The following CDK14 variants were observed in gnomAD, a reference collection of about 807,000 sequenced individuals.
The protein encoded by CDK14 is cyclin dependent kinase 14, also known as cyclin-dependent kinase 14.
A neutral mutation model predicts 60.7 loss-of-function variants in CDK14; 34 were observed. The observed-to-expected ratio is 0.56, with a 90% CI of 0.43 to 0.75. The LOEUF (loss-of-function observed/expected upper bound fraction) is 0.75, where lower values mean the gene tolerates loss of function less well. Among genes scored for constraint, CDK14 ranks in the 30% least tolerant of loss-of-function variants. The pLI is 0.00. For missense variants in CDK14, 482 were observed against 564.1 expected (o/e 0.85, Z 1.47); for synonymous variants, 197 against 203.7 (o/e 0.97, Z 0.28).
intron 2 of CDK14, among the ~76,000 whole-genome samples, chr7:90,717,563 A>C (rs1485235645): frequency 6.6e-6 from 1 of 152,106 alleles, no homozygotes; most frequent in African/African-American, 2.4e-5. Flanking sequence ...ATGCCAAAGA[A>C]ACCATGTAGT....
At chr7:90,926,934 T>A (rs1013584371) in intron 8 of CDK14, among the ~76,000 whole-genome samples, 4 of 152,056 alleles carry the variant, frequency 2.6e-5, no homozygotes, top group Non-Finnish European at 5.9e-5. Context: ...TTTGCTTATA[T>A]TTTCTGGTTG....
chr7:90,653,411 T>C (rs990289756), intron 2 of CDK14, among the ~76,000 whole-genome samples: 6 of 152,122 alleles, frequency 3.9e-5, no homozygotes, highest in Admixed American at 2.0e-4. Context: ...CTCCATTAGA[T>C]TCGCACCTGT....
In CDK14 at chr7:90,634,184, T is replaced by G. The variant is rs558141900; in HGVS notation, c.123+29935T>G. Reference sequence around the variant, plus strand: ...AGTTTTAGGGTACATGTGCACAATGTGCAGGTTAGTTACATATGTATAAAT... The same window carrying G: ...AGTTTTAGGGTACATGTGCACAATGGGCAGGTTAGTTACATATGTATAAAT... On this transcript the variant is annotated intron_variant, in intron 2 of 14. Transcript: ENST00000380050. Among the ~76,000 whole-genome samples, 305 of 152,148 alleles carry G rather than the reference T, an allele frequency of 2.0e-3. 12 individuals are homozygous for G. The highest frequency in any genetic ancestry group is 1.2e-3 in the Non-Finnish European group (81 of 67,994).
intron 14 of CDK14, among the ~76,000 whole-genome samples, chr7:91,167,436 CA>C (rs1410334618): frequency 1.3e-5 from 2 of 152,242 alleles, no homozygotes; most frequent in African/African-American, 4.8e-5. Flanking sequence ...GGTAGCTTTT[CA>C]GCTTCCTCTC....
chr7:90,828,109 A>T (rs1265565483), intron 5 of CDK14, among the ~76,000 whole-genome samples: 2 of 152,214 alleles, frequency 1.3e-5, no homozygotes, highest in Non-Finnish European at 2.9e-5. Flanking sequence ...CTTAACCTCC[A>T]AGGTTTAAAT....
At chr7:91,052,745 G>A (rs1202286937) in intron 11 of CDK14, among the ~76,000 whole-genome samples, 1 of 152,178 alleles carries the variant, frequency 6.6e-6, no homozygotes, top group Non-Finnish European at 1.5e-5. Flanking sequence ...TCAAGCAAGA[G>A]AATAGAGCAT....
chr7:91,173,218 T>G (rs531672698), intron 14 of CDK14, among the ~76,000 whole-genome samples: 1 of 152,170 alleles, frequency 6.6e-6, no homozygotes, highest in Non-Finnish European at 1.5e-5. Flanking sequence ...TAGTACTTAT[T>G]CTGTTCTTCC....
chr7:91,186,061 C>T (rs553007762), intron 14 of CDK14, among the ~76,000 whole-genome samples: 171 of 151,714 alleles, frequency 1.1e-3, no homozygotes, highest in Middle Eastern at 3.4e-3. Flanking sequence ...GTTCATCCAT[C>T]TTGTGGCATG....
intron 12 of CDK14, among the ~76,000 whole-genome samples, chr7:91,104,792 A>G (rs1328420823): frequency 3.3e-5 from 5 of 152,230 alleles, no homozygotes; most frequent in Admixed American, 3.3e-4. Context: ...TCAACTTCAG[A>G]TAATTAGTTT....
intron 2 of CDK14, among the ~76,000 whole-genome samples, chr7:90,662,211 T>G (rs1800878103): frequency 6.6e-6 from 1 of 152,170 alleles, no homozygotes; most frequent in South Asian, 2.1e-4. Flanking sequence ...CTGAAAGAAA[T>G]TCTGGTATCA....
chr7:90,745,595 T>C (rs1204556363), intron 3 of CDK14, among the ~76,000 whole-genome samples: 30 of 152,142 alleles, frequency 2.0e-4, no homozygotes, highest in Admixed American at 1.8e-3. Context: ...TTTGTATTTT[T>C]AGTAGAGATG....
At chr7:91,142,987 C>T (rs899715659) in intron 14 of CDK14, among the ~76,000 whole-genome samples, 15 of 152,140 alleles carry the variant, frequency 9.9e-5, no homozygotes, top group South Asian at 2.1e-4. Flanking sequence ...ACATAAGATA[C>T]GGATGATTCA....
chr7:90,777,081 A>C (rs1484294352), intron 4 of CDK14, among the ~76,000 whole-genome samples: 11 of 152,012 alleles, frequency 7.2e-5, no homozygotes, highest in Admixed American at 7.2e-4. Context: ...TTTTTAAGCT[A>C]GTAGACTTGC....
intron 2 of CDK14, chr7:90,710,678 G>A (rs1802028184): frequency 2.4e-6 from 1 of 414,054 alleles, no homozygotes; most frequent in Non-Finnish European, 3.2e-6. Flanking sequence ...TAGACTATTA[G>A]CATTTTGGAT....
intron 14 of CDK14, among the ~76,000 whole-genome samples, chr7:91,138,363 G>A (rs539623016): frequency 1.3e-5 from 2 of 152,266 alleles, no homozygotes; most frequent in South Asian, 4.1e-4. Flanking sequence ...TTTTTAAAAG[G>A]TGTATTTCTT....
chr7:90,751,384 TA>T (rs1803838376), intron 4 of CDK14, among the ~76,000 whole-genome samples: 1 of 152,232 alleles, frequency 6.6e-6, no homozygotes, highest in South Asian at 2.1e-4. Flanking sequence ...ATTCTTAAAA[TA>T]AATCTCGGCC....
At chr7:90,983,798 A>G (rs909773789) in intron 9 of CDK14, among the ~76,000 whole-genome samples, 3 of 152,322 alleles carry the variant, frequency 2.0e-5, no homozygotes, top group South Asian at 4.1e-4. Context: ...GTTGTCATTC[A>G]TAAGTGGGAG....
chr7:90,762,152 A>G (rs894935553), intron 4 of CDK14, among the ~76,000 whole-genome samples: 3 of 152,180 alleles, frequency 2.0e-5, no homozygotes, highest in Admixed American at 1.3e-4. Flanking sequence ...CATAGGTCTG[A>G]AGGAGGAGAT....
intron 5 of CDK14, among the ~76,000 whole-genome samples, chr7:90,853,517 AAC>A (rs949862445): frequency 2.2e-5 from 3 of 138,726 alleles, no homozygotes; most frequent in African/African-American, 7.8e-5. Flanking sequence ...TAAATACGTA[AAC>A]ACACAAACAC....
Sources: allele counts gnomAD v4.1 joint callset (sites outside exome capture counted in the v4.1 genomes callset), GRCh38; gene constraint gnomAD v4.1.1; transcripts MANE v1.5; gene names NCBI Gene and HGNC (gene_info 2026-07-23, HGNC 2026-07-21).